The following STARD13 variants were observed in gnomAD, a reference collection of about 807,000 sequenced individuals.
The protein encoded by STARD13 is stAR-related lipid transfer protein 13.
Under a neutral mutation model 106.4 loss-of-function variants are expected in STARD13, and 62 were observed. That is an observed-to-expected ratio of 0.58 (90% CI 0.48 to 0.72). The LOEUF (loss-of-function observed/expected upper bound fraction) is 0.72. Among genes scored for constraint, STARD13 ranks in the 30% least tolerant of loss-of-function variants. The pLI is 0.00. For synonymous variants in STARD13, 565 were observed against 553.0 expected, an observed-to-expected ratio of 1.02 and a Z score of -0.31; for missense variants, 1,387 against 1,424.0, an observed-to-expected ratio of 0.97 and a Z score of 0.42.
chr13:33,163,970 T>G (rs1303166878), intron 3 of STARD13, among the ~76,000 whole-genome samples: 1 of 151,964 alleles, frequency 6.6e-6, no homozygotes, highest in Non-Finnish European at 1.5e-5. Context: ...GCTTGCTGTG[T>G]ACCTTAGACA....
intron 12 of STARD13, among the ~76,000 whole-genome samples, chr13:33,109,049 A>G (rs1874151468): frequency 6.6e-6 from 1 of 152,206 alleles, no homozygotes; most frequent in African/African-American, 2.4e-5. Context: ...TGCCATCAAA[A>G]CTGGTTTCAT....
At chr13:33,630,955 T>C in the STARD13 span, among the ~76,000 whole-genome samples, 834 of 152,350 alleles carry the variant, frequency 5.5e-3, 2 homozygotes, top group Non-Finnish European at 8.7e-3. Flanking sequence ...AATTAACTCA[T>C]TGGCATTCAT....
the STARD13 span, among the ~76,000 whole-genome samples, chr13:33,469,332 A>T: frequency 6.6e-6 from 1 of 152,156 alleles, no homozygotes; most frequent in Non-Finnish European, 1.5e-5. Flanking sequence ...GCCACTTCCC[A>T]TTATAATAAA....
the STARD13 span, among the ~76,000 whole-genome samples, chr13:33,676,371 A>G: frequency 1.3e-5 from 2 of 152,210 alleles, no homozygotes; most frequent in Admixed American, 1.3e-4. Context: ...ATTTTTAAGC[A>G]TACTGATTTA....
intron 1 of STARD13, among the ~76,000 whole-genome samples, chr13:33,339,819 G>T (rs563706051): frequency 9.5e-4 from 145 of 152,218 alleles, no homozygotes; most frequent in African/African-American, 3.1e-3. Flanking sequence ...GGGCACGGTG[G>T]CTCATGCCTG....
At chr13:33,187,605 A>C (rs991295033) in intron 1 of STARD13, among the ~76,000 whole-genome samples, 4 of 152,124 alleles carry the variant, frequency 2.6e-5, no homozygotes, top group African/African-American at 4.8e-5. Context: ...TTTCCAGATC[A>C]GTTTTTAATA....
the STARD13 span, among the ~76,000 whole-genome samples, chr13:33,514,950 G>A: frequency 2.0e-5 from 3 of 152,194 alleles, no homozygotes; most frequent in Admixed American, 6.5e-5. Context: ...GAATAAATGG[G>A]AGTGGAGCCT....
At chr13:33,373,750 C>T in the STARD13 span, among the ~76,000 whole-genome samples, 1 of 150,676 alleles carries the variant, frequency 6.6e-6, no homozygotes, top group Non-Finnish European at 1.5e-5. Context: ...CCATCTCAGA[C>T]CTATACCATT....
chr13:33,412,139 G>A, the STARD13 span, among the ~76,000 whole-genome samples: 5 of 152,118 alleles, frequency 3.3e-5, no homozygotes, highest in Non-Finnish European at 7.4e-5. Context: ...AATGTAAACA[G>A]AAAATATTTA....
chr13:33,213,009 C>G (rs1036926869), intron 1 of STARD13, among the ~76,000 whole-genome samples: 6 of 152,192 alleles, frequency 3.9e-5, no homozygotes, highest in Non-Finnish European at 7.3e-5. Flanking sequence ...AGGCAATGTA[C>G]TTGCTAGTTG....
the STARD13 span, among the ~76,000 whole-genome samples, chr13:33,429,936 G>GGGC: frequency 6.7e-6 from 1 of 150,032 alleles, no homozygotes; most frequent in African/African-American, 2.5e-5. Context: ...TTGGGGGGGG[G>GGGC]GGACGGAGTC....
At chr13:33,408,497 T>A in the STARD13 span, among the ~76,000 whole-genome samples, 6 of 152,298 alleles carry the variant, frequency 3.9e-5, no homozygotes, top group South Asian at 1.2e-3. Context: ...TTCTTCCTTT[T>A]TAAGGCTGAA....
chr13:33,486,758 G>A, the STARD13 span, among the ~76,000 whole-genome samples: 1 of 152,026 alleles, frequency 6.6e-6, no homozygotes, highest in Non-Finnish European at 1.5e-5. Context: ...TCTTGCACTT[G>A]AACACTGCCT....
the STARD13 span, among the ~76,000 whole-genome samples, chr13:33,650,959 A>T: frequency 3.9e-4 from 59 of 152,380 alleles, no homozygotes; most frequent in Non-Finnish European, 2.2e-4. Context: ...TGGAATTCCC[A>T]GCCTCAAGAA....
chr13:33,358,375 A>G, the STARD13 span, among the ~76,000 whole-genome samples: 3 of 152,090 alleles, frequency 2.0e-5, no homozygotes, highest in East Asian at 3.9e-4. Context: ...AGCGCACGGC[A>G]CAGGACTGGC....
At chr13:33,113,638 T>C (rs1874943827) in intron 8 of STARD13, 2 of 477,744 alleles carry the variant, frequency 4.2e-6, no homozygotes, top group Middle Eastern at 3.2e-4. Flanking sequence ...AATCTTGGGG[T>C]TTATGGAAAT....
intron 4 of STARD13, among the ~76,000 whole-genome samples, chr13:33,131,419 C>T (rs1878270436): frequency 7.6e-6 from 1 of 131,188 alleles, no homozygotes; most frequent in Non-Finnish European, 1.6e-5. Context: ...CAGTGTAGTC[C>T]AAATCGAATC....
intron 1 of STARD13, among the ~76,000 whole-genome samples, chr13:33,215,307 G>T (rs1319108553): frequency 6.6e-6 from 1 of 152,090 alleles, no homozygotes; most frequent in East Asian, 1.9e-4. Context: ...CTGCCCAGCC[G>T]GTCTTAACCC....
chr13:33,218,171 A>G (rs771857084), intron 1 of STARD13, among the ~76,000 whole-genome samples: 1 of 152,168 alleles, frequency 6.6e-6, no homozygotes, highest in Non-Finnish European at 1.5e-5. Flanking sequence ...GAGTTACCCT[A>G]TGGTTTAAGA....
Sources: allele counts gnomAD v4.1 joint callset (sites outside exome capture counted in the v4.1 genomes callset), GRCh38; gene constraint gnomAD v4.1.1; transcripts MANE v1.5; gene names NCBI Gene and HGNC (gene_info 2026-07-23, HGNC 2026-07-21).